Variants in FGF14 observed in about 807,000 individuals in gnomAD.
FGF14 encodes the protein fibroblast growth factor 14, also known as fibroblast growth factor homologous factor 4.
In FGF14, 5 loss-of-function variants were observed where a neutral mutation model predicts 25.5. The ratio of observed to expected loss-of-function variants is 0.20; its 90% CI spans 0.10 to 0.41. The LOEUF (loss-of-function observed/expected upper bound fraction) is 0.41, where lower values mean the gene tolerates loss of function less well. FGF14 is among the 10% of genes least tolerant of loss of function. The pLI is 1.00. For synonymous variants in FGF14, 138 were observed against 118.3 expected, an observed-to-expected ratio of 1.17 and a Z score of -1.08; for missense variants, 222 against 320.1, an observed-to-expected ratio of 0.69 and a Z score of 2.34.
At chr13:101,786,241 T>C (rs1462854277) in intron 3 of FGF14, among the ~76,000 whole-genome samples, 1 of 152,194 alleles carries the variant, frequency 6.6e-6, no homozygotes, top group East Asian at 1.9e-4. Context: ...ATGAACTACC[T>C]ATTATGTTTT....
intron 1 of FGF14, among the ~76,000 whole-genome samples, chr13:101,962,452 A>G (rs2036920874): frequency 6.6e-6 from 1 of 152,180 alleles, no homozygotes; most frequent in African/African-American, 2.4e-5. Context: ...ATTTTGATAT[A>G]ATATTAGGAA....
intron 3 of FGF14, among the ~76,000 whole-genome samples, chr13:101,828,412 G>T (rs74981435): frequency 6.6e-6 from 1 of 151,278 alleles, no homozygotes; most frequent in Non-Finnish European, 1.5e-5. Context: ...ATGACCAAAT[G>T]ATAATCATTA....
At chr13:102,275,101 T>C (rs757586452) in intron 1 of FGF14, among the ~76,000 whole-genome samples, 3 of 152,074 alleles carry the variant, frequency 2.0e-5, no homozygotes, top group Non-Finnish European at 4.4e-5. Flanking sequence ...TTCTCCTGTA[T>C]GCATTAAATT....
At chr13:101,889,067 C>A (rs899619396) in intron 1 of FGF14, among the ~76,000 whole-genome samples, 1 of 152,132 alleles carries the variant, frequency 6.6e-6, no homozygotes, top group Non-Finnish European at 1.5e-5. Context: ...GCGAAGACAG[C>A]ATCTACAAGC....
intron 3 of FGF14, among the ~76,000 whole-genome samples, chr13:101,788,909 TAGAG>T (rs781347440): frequency 0.016 from 498 of 31,022 alleles, 7 homozygotes; most frequent in Admixed American, 0.035. Context: ...TATATATATA[TAGAG>T]AGAGAGAGAG....
At chr13:101,968,673 C>CAAAAAAAA (rs11410391) in intron 1 of FGF14, among the ~76,000 whole-genome samples, 1,354 of 77,068 alleles carry the variant, frequency 0.018, 15 homozygotes, top group East Asian at 0.038. Context: ...ACTCCGTCTC[C>CAAAAAAAA]AAAAAAAAAA....
At chr13:101,789,143 T>C (rs1209190775) in intron 3 of FGF14, among the ~76,000 whole-genome samples, 1 of 151,876 alleles carries the variant, frequency 6.6e-6, no homozygotes, top group Non-Finnish European at 1.5e-5. Flanking sequence ...CACTGTGGTG[T>C]ACTTGAACAT....
chr13:101,757,527 A>G (rs377169537), intron 3 of FGF14, among the ~76,000 whole-genome samples: 188 of 152,330 alleles, frequency 1.2e-3, no homozygotes, highest in African/African-American at 4.3e-3. Context: ...TCATGTAAGA[A>G]TCACTTCTCA....
intron 1 of FGF14, among the ~76,000 whole-genome samples, chr13:102,249,149 A>C (rs148215427): frequency 7.0e-4 from 106 of 152,300 alleles, no homozygotes; most frequent in Middle Eastern, 3.4e-3. Flanking sequence ...ATGAAGATTT[A>C]AGAGCATTTA....
At chr13:102,099,305 T>C (rs187844300) in intron 1 of FGF14, among the ~76,000 whole-genome samples, 86 of 152,316 alleles carry the variant, frequency 5.6e-4, no homozygotes, top group Non-Finnish European at 4.4e-5. Flanking sequence ...AACAGAGTGC[T>C]TGCAAAATGG....
At chr13:101,970,257 A>C (rs1434853804) in intron 1 of FGF14, among the ~76,000 whole-genome samples, 1 of 139,424 alleles carries the variant, frequency 7.2e-6, no homozygotes, top group Non-Finnish European at 1.5e-5. Flanking sequence ...TCAGTACAAC[A>C]GGAAACATTT....
chr13:102,093,095 C>A (rs1054379887), intron 1 of FGF14, among the ~76,000 whole-genome samples: 1 of 152,004 alleles, frequency 6.6e-6, no homozygotes, highest in African/African-American at 2.4e-5. Flanking sequence ...ACATCTATTT[C>A]TATGTAGAAT....
chr13:102,306,751 C>A (rs2055403810), intron 1 of FGF14, among the ~76,000 whole-genome samples: 1 of 152,138 alleles, frequency 6.6e-6, no homozygotes. Context: ...ACCTTTTGAA[C>A]AATGAAATTT....
At chr13:102,201,846 G>T (rs1459069437) in intron 1 of FGF14, among the ~76,000 whole-genome samples, 11 of 152,154 alleles carry the variant, frequency 7.2e-5, no homozygotes, top group Non-Finnish European at 1.5e-4. Flanking sequence ...AGTACGACCA[G>T]AAAGACAATG....
intron 1 of FGF14, among the ~76,000 whole-genome samples, chr13:101,915,901 C>T (rs901471942): frequency 6.6e-6 from 1 of 152,338 alleles, no homozygotes; most frequent in East Asian, 1.9e-4. Flanking sequence ...CCTCAGCGGA[C>T]TGGGCCATAG....
At chr13:101,888,761 C>A (rs1199179916) in intron 1 of FGF14, among the ~76,000 whole-genome samples, 1 of 152,148 alleles carries the variant, frequency 6.6e-6, no homozygotes, top group East Asian at 1.9e-4. Context: ...TTCAAGATTA[C>A]CTTCTGATAT....
intron 1 of FGF14, among the ~76,000 whole-genome samples, chr13:102,234,097 G>C (rs1285444794): frequency 6.6e-6 from 1 of 152,128 alleles, no homozygotes; most frequent in Non-Finnish European, 1.5e-5. Context: ...TTGCAAGATG[G>C]AAAGAGCTCT....
intron 3 of FGF14, among the ~76,000 whole-genome samples, chr13:101,815,404 G>T (rs1198997018): frequency 6.6e-6 from 1 of 152,132 alleles, no homozygotes; most frequent in African/African-American, 2.4e-5. Context: ...CCTCCAAAGG[G>T]CTAATCACAG....
At chr13:102,174,932 A>T (rs609214) in intron 1 of FGF14, among the ~76,000 whole-genome samples, 27,829 of 149,908 alleles carry the variant, frequency 0.19, 4,487 homozygotes, top group East Asian at 0.7. Context: ...AGTTGAAATT[A>T]AAAAAAAAAG....
Sources: gnomAD v4.1 joint callset for allele counts (sites outside exome capture counted in the v4.1 genomes callset) on GRCh38, gnomAD v4.1.1 for gene constraint, MANE v1.5 for transcripts, NCBI Gene and HGNC (gene_info 2026-07-23, HGNC 2026-07-21) for gene names.